Variants in MGRN1 observed in about 807,000 individuals in gnomAD.
MGRN1 encodes E3 ubiquitin-protein ligase MGRN1.
In MGRN1, 29 loss-of-function variants were observed where a neutral mutation model predicts 69.2. The ratio of observed to expected loss-of-function variants is 0.42; its 90% CI spans 0.31 to 0.57. The LOEUF is 0.57. Ranked by LOEUF, MGRN1 falls within the 20% of genes least tolerant of loss-of-function variation. The pLI is 0.15. For synonymous variants in MGRN1, 470 were observed against 344.2 expected (o/e 1.37, Z -4.04); for missense variants, 998 against 796.2 (o/e 1.25, Z -3.05).
chr16:4,644,747 T>G (rs2078239444), intron 1 of MGRN1, among the ~76,000 whole-genome samples: 1 of 152,230 alleles, frequency 6.6e-6, no homozygotes, highest in Admixed American at 6.5e-5. Context: ...TAATGATTCA[T>G]CACCTCACAA....
chr16:4,674,807 A>AT (rs1478914973), intron 10 of MGRN1, among the ~76,000 whole-genome samples: 1 of 143,564 alleles, frequency 7.0e-6, no homozygotes, highest in Non-Finnish European at 1.5e-5. Flanking sequence ...CGCCCGGCTA[A>AT]TTTTTTGTAT....
At chr16:4,656,898 TAAATAAATAAA>T in intron 4 of MGRN1, among the ~76,000 whole-genome samples, 1 of 136,346 alleles carries the variant, frequency 7.3e-6, no homozygotes, top group East Asian at 2.2e-4. Context: ...AATAAATAAA[TAAATAAATAAA>T]TAAATAAATA....
chr16:4,659,265 A>T (rs1418900954), intron 5 of MGRN1: 1 of 152,144 alleles, frequency 6.6e-6, no homozygotes, highest in East Asian at 1.9e-4. Context: ...ACTGGCGTGG[A>T]CCCTGCACCC....
In MGRN1 at chr16:4,652,023, A is replaced by G. The variant is rs757745993; in HGVS notation, c.268A>G (p.Ile90Val). ...GAAGACGCTGCGGAGCCTGGTGAAC[A>G]TCCGCAAAGACTCCCTGCGGCTGGT... ...PVKTLRSLVN[I>V]RKDSLRLVRY... The change falls in exon 3 of 17, where the codon ATC becomes GTC. Residue 90 changes from isoleucine (I) to valine (V), a missense_variant. Ile to Val is a conservative substitution (Grantham distance 29). Coordinates refer to ENST00000262370, the MANE Select transcript of MGRN1 (RefSeq NM_015246.4). 20 of 1,613,896 alleles carry G rather than the reference A, an allele frequency of 1.2e-5. No individual in the cohort carries two copies. The South Asian group carries it at 1.8e-4, about 14-fold the overall frequency.
intron 16 of MGRN1, among the ~76,000 whole-genome samples, chr16:4,686,056 C>G (rs975537341): frequency 1.3e-5 from 2 of 152,004 alleles, no homozygotes; most frequent in African/African-American, 4.8e-5. Context: ...AGGGGCAGGG[C>G]CAGTGCGCTC....
At chr16:4,687,743 C>T (rs539687952) in intron 16 of MGRN1, 4 of 985,502 alleles carry the variant, frequency 4.1e-6, no homozygotes, top group East Asian at 2.3e-4. Context: ...ATGCAGCCTG[C>T]TGGGAGGTGC....
At position 4,652,738 on chromosome 16, in the gene MGRN1, C is replaced by T; in HGVS notation, c.357C>T (p.Ser119=). ...GCGACAAGCCCCGGGTGCTCTACAG[C>T]CTGGAGTTCACCTTCGACGCCGATG... ...EDGDKPRVLY[S]LEFTFDADAR... Residue 119 remains serine (S), a synonymous_variant, in exon 4 of 17, where the codon AGC becomes AGT. Transcript: ENST00000262370. The T allele has an allele frequency of 6.2e-7, 1 of 1,613,128 alleles. No homozygotes were observed. The highest frequency in any genetic ancestry group is 8.5e-7 in the Non-Finnish European group (1 of 1,179,582).
chr16:4,655,646 G>C (rs1027721547), intron 4 of MGRN1, among the ~76,000 whole-genome samples: 5 of 151,752 alleles, frequency 3.3e-5, no homozygotes, highest in African/African-American at 1.2e-4. Flanking sequence ...AACAGCTCCA[G>C]TGCCACTGTC....
intron 1 of MGRN1, among the ~76,000 whole-genome samples, chr16:4,625,736 G>C (rs574261597): frequency 6.6e-6 from 1 of 152,366 alleles, no homozygotes; most frequent in South Asian, 2.1e-4. Flanking sequence ...GGGCTCCCAC[G>C]TAGCTTTGTT....
chr16:4,641,639 C>G (rs570555715), intron 1 of MGRN1, among the ~76,000 whole-genome samples: 3 of 151,960 alleles, frequency 2.0e-5, no homozygotes, highest in Non-Finnish European at 4.4e-5. Flanking sequence ...CTGCCTTAGC[C>G]TCCTGAGTAG....
intron 5 of MGRN1, chr16:4,659,293 G>C (rs2078623060): frequency 6.6e-6 from 1 of 152,412 alleles, no homozygotes; most frequent in African/African-American, 2.4e-5. Context: ...ACGTGTGACT[G>C]TGGGTGCTGT....
intron 1 of MGRN1, among the ~76,000 whole-genome samples, chr16:4,631,588 C>G (rs535211436): frequency 6.6e-6 from 1 of 152,188 alleles, no homozygotes; most frequent in South Asian, 2.1e-4. Context: ...ACTGAGAAAT[C>G]CTGGTCTGTT....
At chr16:4,669,557 C>G (rs1378858511) in intron 8 of MGRN1, among the ~76,000 whole-genome samples, 3 of 151,962 alleles carry the variant, frequency 2.0e-5, no homozygotes, top group African/African-American at 7.3e-5. Context: ...TACAGGGACG[C>G]CTGCAGGCCC....
chr16:4,681,847 G>A (rs1032591401), intron 13 of MGRN1, 71 bp downstream of exon 13: 1 of 1,442,892 alleles, frequency 6.9e-7, no homozygotes, highest in African/African-American at 1.4e-5. Flanking sequence ...TGTCTTTGTG[G>A]TTTCAAATCA....
chr16:4,667,989 C>T (rs1017205287), intron 7 of MGRN1, among the ~76,000 whole-genome samples: 2 of 152,014 alleles, frequency 1.3e-5, no homozygotes, highest in Admixed American at 1.3e-4. Flanking sequence ...TGAGACCAAC[C>T]GAGGAGAGTT....
chr16:4,658,548 AAC>A (rs2078605741), intron 5 of MGRN1, among the ~76,000 whole-genome samples: 1 of 151,474 alleles, frequency 6.6e-6, no homozygotes, highest in Non-Finnish European at 1.5e-5. Context: ...AAAAAAAAAA[AAC>A]AATGTAGACC....
chr16:4,675,693 C>A lies in MGRN1; in HGVS notation c.956-1770C>A, dbSNP rs148932595. 8.9e-3 allele frequency among the ~76,000 whole-genome samples: 1,342 copies of A among 150,392 alleles called. 14 individuals are homozygous for A. Among genetic ancestry groups the A allele is most frequent in the Non-Finnish European group, 0.014 (951 of 67,746 alleles). On this transcript the variant is annotated intron_variant, in intron 10 of 16. Transcript: ENST00000262370. ...GTGCAGTGAGCTGTGATTGTGCCAC[C>A]ACTGCACCCCCGCCTGAGAGACAGG...
At chr16:4,681,418 C>G in intron 12 of MGRN1, 132 bp from the exon 13 acceptor site, 1 of 842,464 alleles carries the variant, frequency 1.2e-6, no homozygotes, top group Non-Finnish European at 1.8e-6. Flanking sequence ...CCAGGGAGCT[C>G]TTGGCCACCC....
chr16:4,688,864 G>A lies in MGRN1; in HGVS notation c.1687G>A (p.Gly563Ser), dbSNP rs1359676424. ...CAGCCCCACCTGGCCTCCACTTGGT[G>A]GCCCCAGCCCCGATCCCAGCGCCGC... Reference protein sequence around the residue: ...TTSPTWPPLGGPSPDPSAAEL... With the variant: ...TTSPTWPPLGSPSPDPSAAEL... The change falls in exon 17 of 17, where the codon GGC becomes AGC. Residue 563 changes from glycine (G) to serine (S), a missense_variant. Gly to Ser is a moderately conservative substitution (Grantham distance 56, BLOSUM62 0). Coordinates refer to ENST00000262370, the MANE Select transcript of MGRN1 (RefSeq NM_015246.4). The A allele has an allele frequency of 2.6e-6, 4 of 1,554,534 alleles. No individual in the cohort carries two copies. The highest frequency in any genetic ancestry group is 3.8e-5 in the Admixed American group (2 of 52,342).
Sources: gnomAD v4.1 joint callset for allele counts (sites outside exome capture counted in the v4.1 genomes callset) on GRCh38, gnomAD v4.1.1 for gene constraint, MANE v1.5 for transcripts, NCBI Gene and HGNC (gene_info 2026-07-23, HGNC 2026-07-21) for gene names.